UPP2: variants seen among roughly 807,000 people sequenced by gnomAD.
UPP2 encodes the protein UPase 2.
Under a neutral mutation model 26.7 loss-of-function variants are expected in UPP2, and 23 were observed. The observed-to-expected ratio is 0.86, with a 90% CI of 0.62 to 1.22. The LOEUF (loss-of-function observed/expected upper bound fraction) is 1.22, where lower values mean the gene tolerates loss of function less well. Ranked by LOEUF, UPP2 falls within the 50% of genes most tolerant of loss-of-function variation. The probability of loss-of-function intolerance (pLI) is 0.00; values close to 1 mark genes in which losing one functional copy is unlikely to be tolerated. For missense variants in UPP2, 387 were observed against 396.7 expected, an observed-to-expected ratio of 0.98 and a Z score of 0.21; for synonymous variants, 127 against 141.3, an observed-to-expected ratio of 0.90 and a Z score of 0.72.
intron 2 of UPP2, among the ~76,000 whole-genome samples, chr2:158,106,769 AT>A (rs1268361002): frequency 6.6e-6 from 1 of 152,186 alleles, no homozygotes; most frequent in African/African-American, 2.4e-5. Flanking sequence ...TTTTAATTAT[AT>A]AAGCAATTTG....
At chr2:158,003,329 C>A (rs1209695816) in intron 2 of UPP2, among the ~76,000 whole-genome samples, 2 of 152,012 alleles carry the variant, frequency 1.3e-5, no homozygotes, top group African/African-American at 4.8e-5. Flanking sequence ...ACAGTGGAGG[C>A]AACAGGAGAG....
At chr2:158,013,004 T>C (rs1199026454) in intron 2 of UPP2, among the ~76,000 whole-genome samples, 1 of 151,528 alleles carries the variant, frequency 6.6e-6, no homozygotes, top group African/African-American at 2.4e-5. Flanking sequence ...TAAGCTATTG[T>C]TATTATTATT....
intron 3 of UPP2, among the ~76,000 whole-genome samples, chr2:158,056,635 A>G (rs1230772081): frequency 6.6e-6 from 1 of 152,190 alleles, no homozygotes; most frequent in Non-Finnish European, 1.5e-5. Flanking sequence ...CAGGGCTTAC[A>G]GCAACATATT....
At chr2:157,996,536 T>C (rs1683326742) in intron 2 of UPP2, among the ~76,000 whole-genome samples, 1 of 152,198 alleles carries the variant, frequency 6.6e-6, no homozygotes, top group Admixed American at 6.6e-5. Flanking sequence ...AGAAAATTAT[T>C]CCGGCTAATT....
chr2:158,123,655 C>T lies in UPP2; in HGVS notation c.665-94C>T, dbSNP rs139579866. ...GGGAGCACGCTGTAGAGTTAGACAG[C>T]GGCAGCGTGCTCCAGCCAACAGCAA... On this transcript the variant is annotated intron_variant, in intron 5 of 6. Coordinates refer to ENST00000005756, the MANE Select transcript of UPP2 (RefSeq NM_173355.4). The T allele has an allele frequency of 2.2e-3, 3,168 of 1,441,638 alleles. 52 individuals carry two copies. In the African/African-American group the frequency reaches 0.04, roughly 18 times the overall value. 89.3% of individuals were successfully genotyped at this position (1,441,638 alleles called of 1,614,324 possible).
At chr2:158,042,959 C>T (rs528379733) in intron 3 of UPP2, among the ~76,000 whole-genome samples, 7 of 152,320 alleles carry the variant, frequency 4.6e-5, no homozygotes, top group East Asian at 1.9e-4. Context: ...CAGCACCCTC[C>T]GCAAAGAGCA....
chr2:158,009,867 T>C lies in UPP2; in HGVS notation c.62-5934T>C, dbSNP rs144383459. On this transcript the variant is annotated intron_variant, in intron 2 of 9. Transcript: ENST00000605860. ...TCGTAAGGCAAAGGGCTATGCAGGG[T>C]TACTTTCCTCTTGCTTCTTTTGGAT... 1.4e-4 allele frequency among the ~76,000 whole-genome samples: 21 copies of C among 152,320 alleles called. No individual in the cohort carries two copies. In the East Asian group the frequency reaches 3.9e-3, roughly 28 times the overall value.
intron 2 of UPP2, among the ~76,000 whole-genome samples, chr2:158,013,012 A>T (rs888343329): frequency 6.1e-5 from 9 of 148,496 alleles, no homozygotes; most frequent in East Asian, 2.0e-4. Context: ...TGTTATTATT[A>T]TTTTTTTTTT....
chr2:158,070,943 G>A (rs1260279464), intron 3 of UPP2, among the ~76,000 whole-genome samples: 1 of 152,186 alleles, frequency 6.6e-6, no homozygotes, highest in African/African-American at 2.4e-5. Context: ...AAGCTGAGCT[G>A]GGCTCAGCCA....
intron 3 of UPP2, among the ~76,000 whole-genome samples, chr2:158,069,727 G>A (rs922626724): frequency 2.0e-5 from 3 of 152,166 alleles, no homozygotes; most frequent in Admixed American, 6.5e-5. Context: ...CACTCTGTGA[G>A]CCACAGCCAT....
intron 3 of UPP2, among the ~76,000 whole-genome samples, chr2:158,016,693 C>T (rs1349273409): frequency 2.0e-5 from 3 of 152,084 alleles, no homozygotes; most frequent in Non-Finnish European, 2.9e-5. Flanking sequence ...GGAATTTGAA[C>T]TTGAGATTTG....
At chr2:158,097,137 G>A (rs1682997972), upstream of UPP2, among the ~76,000 whole-genome samples, 2 of 152,018 alleles carry the variant, frequency 1.3e-5, no homozygotes, top group Non-Finnish European at 2.9e-5. Context: ...TCATCTTCGA[G>A]CATTAACAAA....
At chr2:158,009,095 T>G (rs1014321865) in intron 2 of UPP2, among the ~76,000 whole-genome samples, 6 of 152,186 alleles carry the variant, frequency 3.9e-5, no homozygotes, top group African/African-American at 1.2e-4. Flanking sequence ...ATTATAATTC[T>G]AACACATGCA....
chr2:158,083,873 A>G (rs1002757838), intron 3 of UPP2, among the ~76,000 whole-genome samples: 26 of 148,640 alleles, frequency 1.7e-4, no homozygotes, highest in African/African-American at 6.2e-4. Context: ...TTTTTTATAT[A>G]TATATATATA....
intron 3 of UPP2, among the ~76,000 whole-genome samples, chr2:158,072,377 C>G (rs1279107702): frequency 6.6e-6 from 1 of 152,224 alleles, no homozygotes; most frequent in Admixed American, 6.5e-5. Context: ...GACAGCATCT[C>G]TGTACCTGCC....
chr2:157,997,496 T>A (rs1683339405), intron 2 of UPP2, among the ~76,000 whole-genome samples: 1 of 152,186 alleles, frequency 6.6e-6, no homozygotes, highest in Non-Finnish European at 1.5e-5. Context: ...TTCTTCTGTT[T>A]ATAGAGGTAA....
At chr2:158,119,617 T>A (rs966359666) in intron 4 of UPP2, among the ~76,000 whole-genome samples, 3 of 152,038 alleles carry the variant, frequency 2.0e-5, no homozygotes, top group Admixed American at 1.3e-4. Context: ...TAAGATGGCA[T>A]ATAAATAACA....
intron 3 of UPP2, among the ~76,000 whole-genome samples, chr2:158,021,936 A>G (rs1483569574): frequency 6.6e-6 from 1 of 152,200 alleles, no homozygotes; most frequent in Non-Finnish European, 1.5e-5. Context: ...TAATTAGAAA[A>G]TATATAGCTC....
chr2:158,052,113 G>T (rs181304721), intron 3 of UPP2, among the ~76,000 whole-genome samples: 58 of 152,260 alleles, frequency 3.8e-4, no homozygotes, highest in African/African-American at 1.3e-3. Flanking sequence ...TATTATGTGG[G>T]ACATACTTAG....
Sources: allele counts gnomAD v4.1 joint callset (sites outside exome capture counted in the v4.1 genomes callset), GRCh38; gene constraint gnomAD v4.1.1; transcripts MANE v1.5; gene names NCBI Gene and HGNC (gene_info 2026-07-23, HGNC 2026-07-21).